The following KLHL13 variants were observed in gnomAD, a reference collection of about 807,000 sequenced individuals.
KLHL13 encodes the protein kelch like family member 13, also known as kelch-like protein 13.
A neutral mutation model predicts 37.1 loss-of-function variants in KLHL13; 10 were observed. The observed-to-expected ratio is 0.27, with a 90% CI of 0.17 to 0.46. KLHL13 has a LOEUF of 0.46. Ranked by LOEUF, KLHL13 falls within the 20% of genes least tolerant of loss-of-function variation. The probability of loss-of-function intolerance (pLI) is 1.00; values close to 1 mark genes in which losing one functional copy is unlikely to be tolerated. For synonymous variants in KLHL13, 163 were observed against 181.2 expected (o/e 0.90, Z 0.81); for missense variants, 360 against 509.3 (o/e 0.71, Z 2.82).
At chrX:117,900,172 G>A (rs778481865) in intron 6 of KLHL13, among the ~76,000 whole-genome samples, 1 of 112,364 alleles carries the variant, frequency 8.9e-6, no homozygotes, top group Non-Finnish European at 1.9e-5. Context: ...TACAATGAAA[G>A]TATTAAACGA....
chrX:117,958,609 C>T (rs763334157), intron 1 of KLHL13, among the ~76,000 whole-genome samples: 2 of 108,678 alleles, frequency 1.8e-5, no homozygotes, highest in Non-Finnish European at 3.8e-5. Context: ...CTGCTATGTG[C>T]CAGGCACCAC....
intron 1 of KLHL13, among the ~76,000 whole-genome samples, chrX:118,043,095 G>A (rs757680051): frequency 1.2e-4 from 13 of 111,079 alleles, no homozygotes; most frequent in African/African-American, 3.9e-4. Context: ...GATCATTACT[G>A]GCTACTATGA....
chrX:117,963,098 T>A (rs1569427238), intron 1 of KLHL13, among the ~76,000 whole-genome samples: 1 of 112,216 alleles, frequency 8.9e-6, no homozygotes, highest in African/African-American at 3.2e-5. Context: ...AACTTGTTTT[T>A]ATTTTTTTGT....
At chrX:118,062,175 G>C (rs1353584770) in intron 1 of KLHL13, among the ~76,000 whole-genome samples, 1 of 110,970 alleles carries the variant, frequency 9.0e-6, no homozygotes, top group African/African-American at 3.3e-5. Flanking sequence ...TGCCTCATCA[G>C]GGTCTTGTTC....
intron 1 of KLHL13, among the ~76,000 whole-genome samples, chrX:118,072,476 A>C (rs1323633810): frequency 1.8e-5 from 2 of 112,047 alleles, no homozygotes; most frequent in African/African-American, 6.5e-5. Flanking sequence ...CAAAATTGAC[A>C]AATGGGATCT....
chrX:117,987,652 ATTTCT>A (rs1427228660), intron 1 of KLHL13, among the ~76,000 whole-genome samples: 1 of 112,114 alleles, frequency 8.9e-6, no homozygotes. Flanking sequence ...AACCATGGTG[ATTTCT>A]TTTATGTAAA....
intron 1 of KLHL13, among the ~76,000 whole-genome samples, chrX:118,003,407 C>T (rs2497842): frequency 0.028 from 3,143 of 110,883 alleles, 127 homozygotes; most frequent in African/African-American, 0.096. Flanking sequence ...TTTATCACTG[C>T]TGTTTGTTTA....
At chrX:118,007,434 G>A (rs1244357582) in intron 1 of KLHL13, among the ~76,000 whole-genome samples, 1 of 106,385 alleles carries the variant, frequency 9.4e-6, no homozygotes, top group Admixed American at 1.0e-4. Flanking sequence ...GCTGATCTCA[G>A]CCAAATTTGG....
intron 1 of KLHL13, among the ~76,000 whole-genome samples, chrX:117,968,010 T>A (rs1050569621): frequency 8.9e-6 from 1 of 111,959 alleles, no homozygotes; most frequent in African/African-American, 3.2e-5. Flanking sequence ...AGAATTGTCT[T>A]CTATTTGGGC....
At chrX:118,050,012 G>A (rs2054597085) in intron 1 of KLHL13, among the ~76,000 whole-genome samples, 1 of 112,429 alleles carries the variant, frequency 8.9e-6, no homozygotes, top group African/African-American at 3.2e-5. Context: ...ACACCATGCA[G>A]TTCCACTGCT....
At chrX:117,930,112 G>GA (rs965278580) in intron 2 of KLHL13, among the ~76,000 whole-genome samples, 2 of 104,411 alleles carry the variant, frequency 1.9e-5, no homozygotes, top group African/African-American at 3.5e-5. Flanking sequence ...ATAAGGTAAG[G>GA]AAAAAAAAGG....
chrX:118,062,991 G>T (rs1334435546), intron 1 of KLHL13, among the ~76,000 whole-genome samples: 1 of 111,725 alleles, frequency 9.0e-6, no homozygotes, highest in African/African-American at 3.2e-5. Flanking sequence ...TAGAGAAGTG[G>T]TTTATAAGAA....
chrX:118,004,797 T>C (rs962587897), intron 1 of KLHL13, among the ~76,000 whole-genome samples: 2 of 111,502 alleles, frequency 1.8e-5, no homozygotes, highest in Non-Finnish European at 3.8e-5. Context: ...AGTTATCAAG[T>C]TGTATGGGAC....
At chrX:117,994,048 T>C (rs982646938) in intron 1 of KLHL13, among the ~76,000 whole-genome samples, 6 of 111,509 alleles carry the variant, frequency 5.4e-5, no homozygotes, top group Non-Finnish European at 9.4e-5. Flanking sequence ...CTGCATTTAT[T>C]AAGTAATTTT....
chrX:118,094,053 A>G (rs2055171078), intron 1 of KLHL13, among the ~76,000 whole-genome samples: 2 of 109,814 alleles, frequency 1.8e-5, no homozygotes, highest in Non-Finnish European at 3.8e-5. Flanking sequence ...TTGAGAGAAG[A>G]AGGCTTCAGA....
intron 1 of KLHL13, among the ~76,000 whole-genome samples, chrX:118,053,734 A>G (rs1262268081): frequency 1.9e-5 from 2 of 106,093 alleles, no homozygotes; most frequent in Non-Finnish European, 3.9e-5. Context: ...AATAAAAAGA[A>G]TAAGCATAAG....
chrX:117,967,314 T>C (rs2053452331), intron 1 of KLHL13, among the ~76,000 whole-genome samples: 1 of 111,852 alleles, frequency 8.9e-6, no homozygotes, highest in Admixed American at 9.5e-5. Flanking sequence ...GCCATGTCAA[T>C]CTAAAATTTT....
At chrX:117,962,326 A>G (rs1283375973) in intron 1 of KLHL13, among the ~76,000 whole-genome samples, 1 of 107,196 alleles carries the variant, frequency 9.3e-6, no homozygotes, top group Non-Finnish European at 1.9e-5. Context: ...TTTTTTTTTC[A>G]TTGAGTATTT....
intron 1 of KLHL13, among the ~76,000 whole-genome samples, chrX:118,032,617 T>G (rs890082749): frequency 9.0e-6 from 1 of 110,842 alleles, no homozygotes. Flanking sequence ...AGACCAAAAG[T>G]AGATAAAACC....
Sources: gnomAD v4.1 joint callset for allele counts (sites outside exome capture counted in the v4.1 genomes callset) on GRCh38, gnomAD v4.1.1 for gene constraint, MANE v1.5 for transcripts, NCBI Gene and HGNC (gene_info 2026-07-23, HGNC 2026-07-21) for gene names.